The following MYH9 variants were observed in gnomAD, a reference collection of about 807,000 sequenced individuals.
The protein encoded by MYH9 is myosin heavy chain 9.
Under a neutral mutation model 241.9 loss-of-function variants are expected in MYH9, and 29 were observed. The observed-to-expected ratio is 0.12, with a 90% CI of 0.09 to 0.16. The LOEUF (loss-of-function observed/expected upper bound fraction) is 0.16, where lower values mean the gene tolerates loss of function less well. Ranked by LOEUF, MYH9 falls within the 10% of genes least tolerant of loss-of-function variation. The probability of loss-of-function intolerance (pLI) is 1.00; values close to 1 mark genes in which losing one functional copy is unlikely to be tolerated. For synonymous variants in MYH9, 1,047 were observed against 1,062.6 expected (o/e 0.99, Z 0.29); for missense variants, 1,803 against 2,595.5 (o/e 0.69, Z 6.63).
Position 36,326,830 on chromosome 22 carries a change from G to A in MYH9, c.519-169C>T, listed in dbSNP as rs544961325. ...ATAAACGCTCTGGAATCCTCAGGCA[G>A]TTCACTTCCCATGGCTCTCCAGGGG... On this transcript the variant is annotated intron_variant, in intron 4 of 40. Transcript: ENST00000216181. Among the ~76,000 whole-genome samples the A allele has an allele frequency of 5.3e-5, 8 of 152,344 alleles. No homozygotes were observed. In the East Asian group the frequency reaches 1.5e-3, roughly 29 times the overall value.
intron 12 of MYH9, among the ~76,000 whole-genome samples, chr22:36,314,792 G>A (rs1324152499): frequency 6.6e-6 from 1 of 152,064 alleles, no homozygotes; most frequent in Non-Finnish European, 1.5e-5. Context: ...GGGACCCCAG[G>A]CACACACTAT....
At chr22:36,291,661 C>A (rs1334293587) in intron 31 of MYH9, among the ~76,000 whole-genome samples, 1 of 130,126 alleles carries the variant, frequency 7.7e-6, no homozygotes, top group African/African-American at 2.8e-5. Flanking sequence ...GAGAAACACC[C>A]AAGAATGATC....
chr22:36,284,851 A>T (rs1404647974), intron 38 of MYH9, among the ~76,000 whole-genome samples: 3 of 151,694 alleles, frequency 2.0e-5, no homozygotes, highest in Non-Finnish European at 4.4e-5. Context: ...AGTGGGCAGG[A>T]CCCCCCTGTA....
chr22:36,322,595 G>A, intron 5 of MYH9, 74 bp from the exon 6 acceptor site: 3 of 1,439,666 alleles, frequency 2.1e-6, no homozygotes, highest in Non-Finnish European at 2.9e-6. Context: ...CCTGGAAGGG[G>A]GACGATGGCA....
At chr22:36,308,968 G>T in intron 15 of MYH9, 3 of 658,040 alleles carry the variant, frequency 4.6e-6, no homozygotes, top group Non-Finnish European at 5.6e-6. Flanking sequence ...GCCTACCAAG[G>T]AGTAGAGGCG....
chr22:36,290,720 G>A (rs1241362140), intron 31 of MYH9, among the ~76,000 whole-genome samples: 12 of 151,556 alleles, frequency 7.9e-5, no homozygotes, highest in Non-Finnish European at 1.5e-4. Flanking sequence ...CTTCCCGGCC[G>A]CCATCACATC....
chr22:36,291,683 TAAA>T (rs66686435), intron 31 of MYH9, among the ~76,000 whole-genome samples: 6 of 86,934 alleles, frequency 6.9e-5, no homozygotes, highest in Non-Finnish European at 1.1e-4. Context: ...ATAAAAAAAT[TAAA>T]AAAAAAAAAA....
chr22:36,372,707 A>G (rs2018106861), intron 1 of MYH9, among the ~76,000 whole-genome samples: 1 of 152,080 alleles, frequency 6.6e-6, no homozygotes, highest in South Asian at 2.1e-4. Flanking sequence ...AATCTGCAAC[A>G]CACAAGGGCA....
Position 36,341,271 on chromosome 22 carries a change from G to A in MYH9, c.490+99C>T, listed in dbSNP as rs73405779. 18,548 of 1,472,260 alleles carry A rather than the reference G, an allele frequency of 0.013. 2,050 individuals carry two copies. The African/African-American group carries it at 0.23, about 19-fold the overall frequency. 91.2% of individuals were successfully genotyped at this position (1,472,260 alleles called of 1,614,324 possible). A position where few individuals can be genotyped will look rare whatever the true frequency, so the allele number is the denominator to read the frequency against. ...ATGCACTGCCCATCACCAGCCACTA[G>A]ATCAATGTGGCACCAAATGTGACTT... is the stretch of plus-strand genomic sequence containing the variant. On this transcript the variant is annotated intron_variant, in intron 3 of 40. Transcript: ENST00000216181.
In MYH9 at chr22:36,281,347, G is replaced by A. The variant is rs568171907; in HGVS notation, c.*1321C>T. ...CTGTAAACCAGCTTACTGTAGTGGTGACAGCTGCAACACATGCTAAGGCAC... is the reference window on the plus strand; with the variant it reads ...CTGTAAACCAGCTTACTGTAGTGGTAACAGCTGCAACACATGCTAAGGCAC... On this transcript the variant is annotated 3_prime_UTR_variant, in exon 41 of 41. Coordinates refer to ENST00000216181, the MANE Select transcript of MYH9 (RefSeq NM_002473.6). The A allele has an allele frequency of 3.2e-5, 7 of 218,324 alleles. No individual in the cohort carries two copies. Among genetic ancestry groups the A allele is most frequent in the East Asian group, 2.7e-4 (4 of 14,766 alleles). The allele number at this position is 218,324 out of a possible 1,614,324, so 13.5% of individuals were successfully genotyped here.
chr22:36,346,708 T>G (rs1371377680), intron 2 of MYH9, among the ~76,000 whole-genome samples: 1 of 152,178 alleles, frequency 6.6e-6, no homozygotes, highest in African/African-American at 2.4e-5. Context: ...GCTCAAGTGA[T>G]CCTCCCACCT....
In MYH9 at chr22:36,284,187, C is replaced by T. The variant is rs748946434; in HGVS notation, c.5671G>A (p.Ala1891Thr). ...TCGCGCTGCAGTTTCCGGCGGGAGG[C>T]GTTGGCCCGCTGGGCCTCCTCTTCG... ...EAEEEAQRAN[A>T]SRRKLQRELE... The change falls in exon 40 of 41, where the codon GCC becomes ACC. Residue 1891 changes from alanine (A) to threonine (T), a missense_variant. Ala to Thr is a moderately conservative substitution (Grantham distance 58). Transcript: ENST00000216181. 1.3e-5 allele frequency: 21 copies of T among 1,613,670 alleles called. No homozygotes were observed. The highest frequency in any genetic ancestry group is 6.7e-5 in the Admixed American group (4 of 59,992).
Position 36,288,561 on chromosome 22 carries a change from AAAGT to A in MYH9, c.4771-152_4771-149del. The A allele has an allele frequency of 7.3e-7, 1 of 1,361,180 alleles. No individual in the cohort carries two copies. The highest frequency in any genetic ancestry group is 1.4e-5 in the African/African-American group (1 of 69,886). The allele number at this position is 1,361,180 out of a possible 1,614,324, so 84.3% of individuals were successfully genotyped here. On this transcript the variant is annotated intron_variant, in intron 33 of 40. Coordinates refer to ENST00000216181, the MANE Select transcript of MYH9 (RefSeq NM_002473.6). This position sits in a 1 kb window ranked among gnomAD's most constrained non-coding sequence, Gnocchi z 4.8. ...GATTACTGACCATAAGAACTCTAAG[AAAGT>A]GAGTCACTGAACCCCGAGACAGGAG...
At chr22:36,309,158 A>C in intron 15 of MYH9, 124 bp downstream of exon 15, 1 of 840,082 alleles carries the variant, frequency 1.2e-6, no homozygotes, top group Non-Finnish European at 2.0e-6. Flanking sequence ...GAGGGCAGAG[A>C]CCACCTGGCC....
At chr22:36,297,715 G>A (rs961009013) in intron 24 of MYH9, among the ~76,000 whole-genome samples, 2 of 152,206 alleles carry the variant, frequency 1.3e-5, no homozygotes, top group Non-Finnish European at 2.9e-5. Context: ...TACCCGTCCT[G>A]CAGCTGGCGG....
chr22:36,368,044 G>A (rs2018037314), intron 1 of MYH9, among the ~76,000 whole-genome samples: 1 of 152,210 alleles, frequency 6.6e-6, no homozygotes, highest in Non-Finnish European at 1.5e-5. Context: ...CACCCCAGAG[G>A]ATGCTGGGAT....
intron 1 of MYH9, among the ~76,000 whole-genome samples, chr22:36,361,271 T>C (rs996446661): frequency 6.6e-6 from 1 of 151,912 alleles, no homozygotes; most frequent in African/African-American, 2.4e-5. Flanking sequence ...GCTTAGCAGA[T>C]AAGAAAACCA....
intron 30 of MYH9, among the ~76,000 whole-genome samples, chr22:36,292,770 G>T (rs1163303734): frequency 6.6e-6 from 1 of 152,340 alleles, no homozygotes; most frequent in East Asian, 1.9e-4. Context: ...GGACCCCTTC[G>T]CAGTCTAGAG....
At chr22:36,318,171 G>A in intron 11 of MYH9, 36 bp downstream of exon 11, 1 of 1,572,018 alleles carries the variant, frequency 6.4e-7, no homozygotes, top group East Asian at 2.2e-5. Flanking sequence ...CATTCACCCA[G>A]GAGGCAGCCA....
Sources: gnomAD v4.1 joint callset for allele counts (sites outside exome capture counted in the v4.1 genomes callset) on GRCh38, gnomAD v4.1.1 for gene constraint, Gnocchi (gnomAD v3.1) non-coding constraint, MANE v1.5 for transcripts, NCBI Gene and HGNC (gene_info 2026-07-23, HGNC 2026-07-21) for gene names.